CCDC102B: variants seen among roughly 807,000 people sequenced by gnomAD.
CCDC102B encodes the protein coiled-coil domain-containing protein 102B.
Under a neutral mutation model 57.4 loss-of-function variants are expected in CCDC102B, and 75 were observed. The ratio of observed to expected loss-of-function variants is 1.31; its 90% CI spans 1.08 to 1.58. The LOEUF is 1.58. Among genes scored for constraint, CCDC102B ranks in the 40% most tolerant of loss-of-function variants. The pLI, the probability that CCDC102B is intolerant of heterozygous loss-of-function variation, is 0.00. For missense variants in CCDC102B, 636 were observed against 582.6 expected, an observed-to-expected ratio of 1.09 and a Z score of -0.94; for synonymous variants, 206 against 201.9, an observed-to-expected ratio of 1.02 and a Z score of -0.17.
At chr18:68,905,938 C>T (rs559131734) in intron 6 of CCDC102B, among the ~76,000 whole-genome samples, 14 of 151,664 alleles carry the variant, frequency 9.2e-5, no homozygotes, top group East Asian at 3.9e-4. Flanking sequence ...GGACTACAGG[C>T]GCCCGCCACC....
At chr18:69,045,952 G>C (rs2052554712) in intron 7 of CCDC102B, among the ~76,000 whole-genome samples, 1 of 152,044 alleles carries the variant, frequency 6.6e-6, no homozygotes, top group Admixed American at 6.6e-5. Context: ...CTTTTTTATA[G>C]CTGCATAGTG....
intron 6 of CCDC102B, among the ~76,000 whole-genome samples, chr18:68,907,502 T>C (rs2040692274): frequency 6.6e-6 from 1 of 152,242 alleles, no homozygotes; most frequent in African/African-American, 2.4e-5. Flanking sequence ...CTGATAAGTC[T>C]TTAACCTCCT....
chr18:68,754,994 G>C (rs1002905361), intron 2 of CCDC102B: 1 of 152,374 alleles, frequency 6.6e-6, no homozygotes, highest in Non-Finnish European at 1.5e-5. Context: ...AACTTTTGTT[G>C]TTTATAAGCC....
chr18:68,787,785 G>A (rs1376079569), intron 2 of CCDC102B, among the ~76,000 whole-genome samples: 2 of 151,626 alleles, frequency 1.3e-5, no homozygotes, highest in African/African-American at 4.8e-5. Flanking sequence ...ACCAGCTCCT[G>A]GATTCATTAA....
At chr18:68,901,247 G>T (rs1264772806) in intron 6 of CCDC102B, among the ~76,000 whole-genome samples, 1 of 152,118 alleles carries the variant, frequency 6.6e-6, no homozygotes, top group Non-Finnish European at 1.5e-5. Context: ...CTAGACTAGG[G>T]ATGGACAAAC....
intron 7 of CCDC102B, among the ~76,000 whole-genome samples, chr18:69,014,183 T>C (rs1040792582): frequency 1.3e-5 from 2 of 152,190 alleles, no homozygotes; most frequent in African/African-American, 4.8e-5. Context: ...ATGGATATTA[T>C]ATTGGTAAGT....
At chr18:68,746,583 A>T (rs1453175448) in intron 2 of CCDC102B, among the ~76,000 whole-genome samples, 1 of 152,102 alleles carries the variant, frequency 6.6e-6, no homozygotes, top group Non-Finnish European at 1.5e-5. Flanking sequence ...CAAGAAAAAC[A>T]CAATTTTCTA....
rs192124301 is a variant in CCDC102B at position 68,983,439 on chromosome 18, C to T, written c.1264-27495C>T. The stretch of plus-strand genomic sequence containing the variant: ...GGAGGGTTTCCCTACCTTGTATGAG[C>T]TGACTATAAAATTCACACAACATTT... On this transcript the variant is annotated intron_variant, in intron 6 of 7. Transcript: ENST00000360242. 9.9e-5 allele frequency among the ~76,000 whole-genome samples: 15 copies of T among 152,028 alleles called. No individual in the cohort carries two copies. The East Asian group carries it at 1.2e-3, about 12-fold the overall frequency.
At chr18:68,973,638 A>G (rs1442314055) in intron 6 of CCDC102B, among the ~76,000 whole-genome samples, 1 of 152,180 alleles carries the variant, frequency 6.6e-6, no homozygotes. Flanking sequence ...TCAAAAATGT[A>G]CAATATAGAA....
At chr18:68,997,133 A>G (rs1253618031) in intron 6 of CCDC102B, among the ~76,000 whole-genome samples, 1 of 152,126 alleles carries the variant, frequency 6.6e-6, no homozygotes, top group Non-Finnish European at 1.5e-5. Flanking sequence ...CTGTGATTGT[A>G]AGTTTCCTTA....
At chr18:68,849,355 C>T (rs61406322) in intron 4 of CCDC102B, among the ~76,000 whole-genome samples, 2 of 152,000 alleles carry the variant, frequency 1.3e-5, no homozygotes, top group African/African-American at 4.8e-5. Flanking sequence ...TGAAACATTG[C>T]CTCTTATTGC....
intron 4 of CCDC102B, among the ~76,000 whole-genome samples, chr18:68,853,370 A>T (rs954616343): frequency 6.6e-6 from 1 of 152,086 alleles, no homozygotes; most frequent in Non-Finnish European, 1.5e-5. Context: ...ACTCAATTTC[A>T]TTGTCAAAAA....
chr18:68,996,830 A>C (rs951969610), intron 6 of CCDC102B, among the ~76,000 whole-genome samples: 1 of 152,190 alleles, frequency 6.6e-6, no homozygotes, highest in African/African-American at 2.4e-5. Flanking sequence ...TTGGTTTTGA[A>C]ATGTGAAAAG....
intron 4 of CCDC102B, among the ~76,000 whole-genome samples, chr18:68,857,357 A>G (rs1298240330): frequency 1.0e-5 from 1 of 98,946 alleles, no homozygotes; most frequent in Non-Finnish European, 1.9e-5. Context: ...TTATAAATAT[A>G]TATATTTATT....
At chr18:69,034,148 C>A (rs559600657) in intron 7 of CCDC102B, among the ~76,000 whole-genome samples, 2 of 152,070 alleles carry the variant, frequency 1.3e-5, no homozygotes, top group East Asian at 3.9e-4. Flanking sequence ...TTCTCTCCTT[C>A]TGTGGATTGA....
intron 6 of CCDC102B, among the ~76,000 whole-genome samples, chr18:68,961,578 C>T (rs1003319220): frequency 6.6e-6 from 1 of 151,828 alleles, no homozygotes; most frequent in Non-Finnish European, 1.5e-5. Context: ...AAATTTTCAG[C>T]ATATCATTTA....
chr18:68,726,515 T>G (rs755084790), intron 2 of CCDC102B, among the ~76,000 whole-genome samples: 1 of 152,202 alleles, frequency 6.6e-6, no homozygotes, highest in Non-Finnish European at 1.5e-5. Flanking sequence ...TTTAATAGCT[T>G]CAGAAGTCCC....
At chr18:68,851,608 T>G (rs540785989) in intron 4 of CCDC102B, among the ~76,000 whole-genome samples, 79 of 152,306 alleles carry the variant, frequency 5.2e-4, no homozygotes, top group African/African-American at 1.9e-3. Context: ...TTAAGACTAT[T>G]ATAAGAATTA....
chr18:68,960,344 G>GCCTTAGAGCTCTA (rs143833714), intron 6 of CCDC102B, among the ~76,000 whole-genome samples: 29,109 of 151,992 alleles, frequency 0.19, 3,138 homozygotes, highest in African/African-American at 0.28. Flanking sequence ...TGTATTGGGG[G>GCCTTAGAGCTCTA]CCTGATGCCC....
Sources: gnomAD v4.1 joint callset for allele counts (sites outside exome capture counted in the v4.1 genomes callset) on GRCh38, gnomAD v4.1.1 for gene constraint, MANE v1.5 for transcripts, NCBI Gene and HGNC (gene_info 2026-07-23, HGNC 2026-07-21) for gene names.